ABCC4: variants seen among roughly 807,000 people sequenced by gnomAD.
ABCC4 encodes the protein ATP-binding cassette sub-family C member 4.
ABCC4 carries 102 observed loss-of-function variants against 168.5 expected under a neutral mutation model. The ratio of observed to expected loss-of-function variants is 0.61; its 90% CI spans 0.52 to 0.71. The LOEUF (loss-of-function observed/expected upper bound fraction) is 0.71, where lower values mean the gene tolerates loss of function less well. ABCC4 is among the 30% of genes least tolerant of loss of function. ABCC4 has a pLI of 0.00. For missense variants in ABCC4, 1,402 were observed against 1,605.8 expected, an observed-to-expected ratio of 0.87 and a Z score of 2.17; for synonymous variants, 617 against 590.7, an observed-to-expected ratio of 1.04 and a Z score of -0.65.
intron 27 of ABCC4, among the ~76,000 whole-genome samples, chr13:95,050,250 G>A (rs2032770946): frequency 6.6e-6 from 1 of 152,170 alleles, no homozygotes; most frequent in Non-Finnish European, 1.5e-5. Flanking sequence ...AGACTCCACG[G>A]ACCCCAGGGG....
At chr13:95,065,413 T>G (rs1594037839) in intron 25 of ABCC4, among the ~76,000 whole-genome samples, 1 of 152,302 alleles carries the variant, frequency 6.6e-6, no homozygotes, top group East Asian at 1.9e-4. Context: ...TGAACTTGAG[T>G]GTGAGTTATC....
intron 8 of ABCC4, among the ~76,000 whole-genome samples, chr13:95,203,922 G>C (rs2038706308): frequency 6.6e-6 from 1 of 152,132 alleles, no homozygotes; most frequent in Non-Finnish European, 1.5e-5. Context: ...GGGCCACCTT[G>C]GGTCTGTATT....
intron 4 of ABCC4, among the ~76,000 whole-genome samples, chr13:95,227,860 C>A (rs569971328): frequency 1.1e-4 from 16 of 152,172 alleles, no homozygotes; most frequent in African/African-American, 3.6e-4. Flanking sequence ...CAGGCGTGCA[C>A]CACCATGCCA....
At chr13:95,123,450 C>T (rs752645663) in intron 19 of ABCC4, among the ~76,000 whole-genome samples, 26 of 152,196 alleles carry the variant, frequency 1.7e-4, no homozygotes, top group Non-Finnish European at 3.2e-4. Flanking sequence ...GCAACCTCCA[C>T]TTCCCAGATC....
At chr13:95,289,350 A>G (rs2041335350) in intron 1 of ABCC4, among the ~76,000 whole-genome samples, 1 of 152,202 alleles carries the variant, frequency 6.6e-6, no homozygotes, top group Non-Finnish European at 1.5e-5. Context: ...AAATAAACAT[A>G]GTGACGCAGA....
rs750005161 is a variant in ABCC4, at chr13:95,134,728, T to TTAAA, written c.2456-18731_2456-18728dup. 2.0e-5 allele frequency among the ~76,000 whole-genome samples: 3 copies of TTAAA among 151,460 alleles called. No individual in the cohort carries two copies. The East Asian group carries it at 5.8e-4, about 29-fold the overall frequency. On this transcript the variant is annotated intron_variant, in intron 19 of 30. Transcript: ENST00000645237. ...GAGCAAGACTCTGTCTCAAAAAAAT[T>TTAAA]TAAATAAATAAATAAATAAGGACAA...
At chr13:95,111,412 GTTAT>G (rs1467795442) in intron 20 of ABCC4, among the ~76,000 whole-genome samples, 4 of 152,166 alleles carry the variant, frequency 2.6e-5, no homozygotes, top group African/African-American at 9.7e-5. Flanking sequence ...TATTCTATAA[GTTAT>G]TTATTTCCAG....
intron 8 of ABCC4, among the ~76,000 whole-genome samples, chr13:95,201,722 C>T (rs1594287915): frequency 1.3e-5 from 2 of 152,134 alleles, no homozygotes; most frequent in East Asian, 3.9e-4. Flanking sequence ...CCTGTAATCC[C>T]AGCACTTTGG....
In ABCC4 at chr13:95,234,727, G is replaced by C. The variant is rs1258695976; in HGVS notation, c.414C>G (p.Ala138=). The change falls in exon 4 of 31, where the codon GCC becomes GCG. Residue 138 remains alanine, a synonymous_variant. Coordinates refer to ENST00000645237, the MANE Select transcript of ABCC4 (RefSeq NM_005845.5). ...TGAGCGTGCAAAAAGTCAGCACCGT[G>C]GCATAGGCGTACGCTGTGTTCAAAG... ...SVALNTAYAY[A]TVLTFCTLIL... 3.1e-6 allele frequency: 5 copies of C among 1,613,974 alleles called. No homozygotes were observed. In the South Asian group the frequency reaches 4.4e-5, roughly 14 times the overall value.
chr13:95,265,882 G>C (rs2040656070), intron 1 of ABCC4, among the ~76,000 whole-genome samples: 1 of 152,094 alleles, frequency 6.6e-6, no homozygotes, highest in Non-Finnish European at 1.5e-5. Context: ...AACTGTGAAG[G>C]GGGAAAGACT....
rs777632365 is a variant in ABCC4 at position 95,071,822 on chromosome 13, G to C, written c.3050C>G (p.Thr1017Arg). Reference protein sequence around the residue: ...MISVERVIEYTDLEKEAPWEY... With the variant: ...MISVERVIEYRDLEKEAPWEY... The stretch of plus-strand genomic sequence containing the variant: ...CCAAGGTGCTTCTTTTTCAAGGTCT[G>C]TGTATTCAATGACCCTTTCTACTGA... The change falls in exon 25 of 31, where the codon ACA (threonine) becomes AGA (arginine). Residue 1017 changes from threonine to arginine, a missense_variant. Coordinates refer to ENST00000645237, the MANE Select transcript of ABCC4 (RefSeq NM_005845.5). 1.9e-6 allele frequency: 3 copies of C among 1,593,718 alleles called. No individual in the cohort carries two copies. The highest frequency in any genetic ancestry group is 2.3e-5 in the South Asian group (2 of 86,322).
rs35072469 is a variant in ABCC4, at chr13:95,038,448, C to T, written c.3736-3709G>A. 1.4e-3 allele frequency among the ~76,000 whole-genome samples: 210 copies of T among 148,502 alleles called. 1 individual carries two copies. Among genetic ancestry groups the T allele is most frequent in the Non-Finnish European group, 2.4e-3 (159 of 67,518 alleles). On this transcript the variant is annotated intron_variant, in intron 29 of 30. Transcript: ENST00000645237. Reference sequence around the variant, plus strand: ...AATGCCAGAAAAAAGGCAAAACAAGCGGGAGTTTAGCAGCAGCAGAAGTCA... The same window carrying T: ...AATGCCAGAAAAAAGGCAAAACAAGTGGGAGTTTAGCAGCAGCAGAAGTCA...
At chr13:95,113,580 AAAAAATTACAT>A (rs1242766682) in intron 20 of ABCC4, among the ~76,000 whole-genome samples, 1 of 148,584 alleles carries the variant, frequency 6.7e-6, no homozygotes, top group Non-Finnish European at 1.5e-5. Context: ...AAAAAAAAAA[AAAAAATTACAT>A]TTAGATTTTT....
At chr13:95,172,443 T>C (rs571565193) in intron 13 of ABCC4, among the ~76,000 whole-genome samples, 18 of 152,158 alleles carry the variant, frequency 1.2e-4, no homozygotes, top group African/African-American at 3.9e-4. Context: ...TGGTCACCCA[T>C]GCCTGTAATC....
At chr13:95,242,050 G>A (rs964283255) in intron 3 of ABCC4, among the ~76,000 whole-genome samples, 13 of 151,930 alleles carry the variant, frequency 8.6e-5, no homozygotes, top group African/African-American at 1.2e-4. Context: ...GGCAACCTCC[G>A]GCATAAGTGG....
At chr13:95,212,940 C>A (rs2039004345) in intron 4 of ABCC4, among the ~76,000 whole-genome samples, 1 of 152,000 alleles carries the variant, frequency 6.6e-6, no homozygotes, top group South Asian at 2.1e-4. Flanking sequence ...CCAGCCTGGT[C>A]AACACGGTGA....
intron 4 of ABCC4, among the ~76,000 whole-genome samples, chr13:95,233,150 TATAATGTACAATTTACAATGTGCAATTAA>T (rs2039670335): frequency 6.6e-6 from 1 of 152,186 alleles, no homozygotes; most frequent in South Asian, 2.1e-4. Context: ...TGTACAATTA[TATAATGTACAATTTACAATGTGCAATTAA>T]ATAATGTACA....
At chr13:95,093,993 A>G (rs1185626556) in intron 20 of ABCC4, among the ~76,000 whole-genome samples, 1 of 152,168 alleles carries the variant, frequency 6.6e-6, no homozygotes, top group African/African-American at 2.4e-5. Flanking sequence ...GACCTCTACA[A>G]GGAAAACTAC....
chr13:95,164,851 C>T (rs946715316), intron 15 of ABCC4, among the ~76,000 whole-genome samples: 5 of 152,018 alleles, frequency 3.3e-5, no homozygotes, highest in South Asian at 4.2e-4. Context: ...CCTGCTACCA[C>T]GCCTGGCTAA....
Sources: allele counts gnomAD v4.1 joint callset (sites outside exome capture counted in the v4.1 genomes callset), GRCh38; gene constraint gnomAD v4.1.1; transcripts MANE v1.5; gene names NCBI Gene and HGNC (gene_info 2026-07-23, HGNC 2026-07-21).